The following CSDE1 variants were observed in gnomAD, a reference collection of about 807,000 sequenced individuals.
The protein encoded by CSDE1 is cold shock domain containing E1.
Under a neutral mutation model 89.3 loss-of-function variants are expected in CSDE1, and 17 were observed. That is an observed-to-expected ratio of 0.19 (90% CI 0.13 to 0.29). The LOEUF (loss-of-function observed/expected upper bound fraction) is 0.29, where lower values mean the gene tolerates loss of function less well. CSDE1 is among the 10% of genes least tolerant of loss of function. The pLI is 1.00. For synonymous variants in CSDE1, 322 were observed against 332.8 expected (o/e 0.97, Z 0.35); for missense variants, 672 against 984.2 (o/e 0.68, Z 4.24).
chr1:114,757,934 T>G lies in CSDE1; in HGVS notation c.-397A>C, dbSNP rs979683457. On this transcript the variant is annotated 5_prime_UTR_variant, in exon 1 of 20. It removes the in-frame stop codon of an upstream open reading frame in the 5' UTR. Coordinates refer to ENST00000358528, the MANE Select transcript of CSDE1 (RefSeq NM_001007553.3). The stretch of plus-strand genomic sequence containing the variant: ...CTGAGGTCGTACTCACCCCAACAGC[T>G]CAGCGCCCCCTCTCCAGCGCCGCCA... 1 of 152,718 alleles carries G rather than the reference T, an allele frequency of 6.5e-6. No individual in the cohort carries two copies. Among genetic ancestry groups the G allele is most frequent in the Non-Finnish European group, 1.5e-5 (1 of 68,230 alleles). 9.5% of individuals were successfully genotyped at this position (152,718 alleles called of 1,614,324 possible).
intron 2 of CSDE1, among the ~76,000 whole-genome samples, chr1:114,749,118 T>C (rs897637766): frequency 1.3e-5 from 2 of 152,232 alleles, no homozygotes; most frequent in African/African-American, 4.8e-5. Context: ...CTCTTCTACC[T>C]CTTAACAAGG....
At chr1:114,732,237 G>A (rs1660142854) in intron 10 of CSDE1, among the ~76,000 whole-genome samples, 2 of 152,084 alleles carry the variant, frequency 1.3e-5, no homozygotes, top group South Asian at 2.1e-4. Flanking sequence ...GAAGAATTGT[G>A]TTTCCTAAAA....
intron 12 of CSDE1, among the ~76,000 whole-genome samples, chr1:114,729,160 G>A (rs573719009): frequency 4.4e-4 from 67 of 152,022 alleles, no homozygotes; most frequent in African/African-American, 1.4e-3. Context: ...GTGCAATGGC[G>A]CCATCTCAGC....
intron 10 of CSDE1, among the ~76,000 whole-genome samples, chr1:114,731,375 T>C (rs994047212): frequency 2.7e-5 from 4 of 149,934 alleles, no homozygotes; most frequent in African/African-American, 1.0e-4. Context: ...AAAACAGATC[T>C]TGCCTTTGAA....
chr1:114,721,906 G>A (rs1372242827), intron 16 of CSDE1, among the ~76,000 whole-genome samples: 7 of 139,824 alleles, frequency 5.0e-5, no homozygotes, highest in South Asian at 2.3e-4. Flanking sequence ...TTTTTGAGAC[G>A]GAGTCATGCT....
rs1278662059 is a variant in CSDE1, at chr1:114,736,496, ACT to A, written c.500+260_500+261del. ...CCTCCCTCAAAACTTACCTCAAAGC[ACT>A]ATTTTTTGAAAAACCTTCACTGATC... On this transcript the variant is annotated intron_variant, in intron 6 of 19. Transcript: ENST00000358528. Among the ~76,000 whole-genome samples the A allele has an allele frequency of 5.3e-5, 8 of 152,230 alleles. No homozygotes were observed. The East Asian group carries it at 1.5e-3, about 29-fold the overall frequency.
intron 16 of CSDE1, among the ~76,000 whole-genome samples, chr1:114,723,045 G>C (rs1355714935): frequency 1.3e-5 from 2 of 152,088 alleles, no homozygotes; most frequent in Admixed American, 6.5e-5. Context: ...TAATAGTAGA[G>C]ACGGGGTTTC....
intron 9 of CSDE1, 76 bp from the exon 10 acceptor site, chr1:114,732,892 T>C (rs1660180786): frequency 2.4e-6 from 3 of 1,241,206 alleles, no homozygotes; most frequent in African/African-American, 1.5e-5. Flanking sequence ...GAAGAACACA[T>C]AGTAAACCCA....
chr1:114,725,319 T>G lies in CSDE1; in HGVS notation c.1655A>C (p.Asp552Ala). The G allele has an allele frequency of 1.2e-6, 2 of 1,613,942 alleles. No individual in the cohort carries two copies. The highest frequency in any genetic ancestry group is 1.7e-6 in the Non-Finnish European group (2 of 1,179,842). The change falls in exon 15 of 20, where the codon GAT becomes GCT. Residue 552 changes from aspartate to alanine, a missense_variant. Physicochemically the swap from Asp to Ala is moderately radical, Grantham distance 126 (BLOSUM62 -2). Around this residue, in one of 8 missense-constraint regions of CSDE1, gnomAD observed 206 missense variants for 332.4 expected, o/e 0.62. Coordinates refer to ENST00000358528, the MANE Select transcript of CSDE1 (RefSeq NM_001007553.3). Reference sequence around the variant, plus strand: ...GTCCCCCAGTTCCAGGCTATCAACATCACCAGAGAACTCACTAAGGAGAAA... The same window carrying G: ...GTCCCCCAGTTCCAGGCTATCAACAGCACCAGAGAACTCACTAAGGAGAAA... ...IFFHYSEFSG[D>A]VDSLELGDMV...
chr1:114,721,012 A>G (rs901350070), intron 16 of CSDE1, among the ~76,000 whole-genome samples: 2 of 152,230 alleles, frequency 1.3e-5, no homozygotes, highest in Admixed American at 6.5e-5. Context: ...CCCATTGCCT[A>G]AATTTTAAGC....
intron 1 of CSDE1, among the ~76,000 whole-genome samples, chr1:114,754,794 T>C (rs1393120276): frequency 6.6e-6 from 1 of 152,244 alleles, no homozygotes; most frequent in Non-Finnish European, 1.5e-5. Context: ...TAGTAACAAC[T>C]GTGCTGGATT....
chr1:114,725,157 T>A, intron 15 of CSDE1, 64 bp downstream of exon 15: 1 of 1,260,374 alleles, frequency 7.9e-7, no homozygotes, highest in Non-Finnish European at 1.2e-6. Context: ...CATCTCCCTC[T>A]ACTACTCCAT....
intron 7 of CSDE1, 125 bp from the exon 8 acceptor site, chr1:114,734,242 A>G (rs1660269053): frequency 1.6e-6 from 2 of 1,228,346 alleles, no homozygotes; most frequent in Non-Finnish European, 1.1e-6. Context: ...GTACAACCTA[A>G]TATTATCAAT....
In CSDE1 at chr1:114,723,980, A is replaced by G. The variant is rs920703943; in HGVS notation, c.1776T>C (p.Ala592=). 1 of 1,613,826 alleles carries G rather than the reference A, an allele frequency of 6.2e-7. No individual in the cohort carries two copies. The highest frequency in any genetic ancestry group is 8.5e-7 in the Non-Finnish European group (1 of 1,179,856). Residue 592 remains alanine (A), a synonymous_variant, in exon 16 of 20, where the codon GCT becomes GCC. Transcript: ENST00000358528. ...CTTTGCCAGAGTAAATGGTGGGATC[A>G]GCTTCCTCAGTAATGCCATTCACTA... ...THSVNGITEE[A]DPTIYSGKVI... is the part of the protein sequence containing the mutation.
intron 18 of CSDE1, among the ~76,000 whole-genome samples, chr1:114,719,245 T>C (rs1557987026): frequency 6.6e-6 from 1 of 152,068 alleles, no homozygotes; most frequent in Non-Finnish European, 1.5e-5. Flanking sequence ...GGGGGTTGAG[T>C]CTGCAGTGAG....
intron 9 of CSDE1, among the ~76,000 whole-genome samples, chr1:114,733,025 C>T (rs1660189699): frequency 6.6e-6 from 1 of 152,138 alleles, no homozygotes; most frequent in Admixed American, 6.5e-5. Context: ...CAATTAAGAC[C>T]CAGCACTCTG....
At chr1:114,733,320 G>A (rs1660205385) in intron 9 of CSDE1, among the ~76,000 whole-genome samples, 2 of 152,128 alleles carry the variant, frequency 1.3e-5, no homozygotes, top group Admixed American at 1.3e-4. Flanking sequence ...AAGGTCAAGA[G>A]ATCGAGACCA....
chr1:114,720,856 CCTTAAAG>C (rs1659479260), intron 16 of CSDE1, 139 bp from the exon 17 acceptor site: 1 of 723,620 alleles, frequency 1.4e-6, no homozygotes, highest in Non-Finnish European at 2.2e-6. Context: ...AGAAGTTTCA[CCTTAAAG>C]CTTAAATGAA....
intron 2 of CSDE1, among the ~76,000 whole-genome samples, chr1:114,746,046 T>C (rs1660995020): frequency 6.6e-6 from 1 of 152,202 alleles, no homozygotes; most frequent in Non-Finnish European, 1.5e-5. Flanking sequence ...GCTTGGCTTC[T>C]ACTGATTGAC....
Sources: allele counts gnomAD v4.1 joint callset (sites outside exome capture counted in the v4.1 genomes callset), GRCh38; gene constraint gnomAD v4.1.1; regional missense constraint gnomAD v4.1.1; transcripts MANE v1.5; gene names NCBI Gene and HGNC (gene_info 2026-07-23, HGNC 2026-07-21).